ASZ1: variants seen among roughly 807,000 people sequenced by gnomAD.
ASZ1 encodes ankyrin repeat, SAM and basic leucine zipper domain-containing protein 1.
A neutral mutation model predicts 61.8 loss-of-function variants in ASZ1; 67 were observed. The observed-to-expected ratio is 1.08, with a 90% CI of 0.89 to 1.33. The LOEUF is 1.33. Ranked by LOEUF, ASZ1 falls within the 40% of genes most tolerant of loss-of-function variation. The pLI, the probability that ASZ1 is intolerant of heterozygous loss-of-function variation, is 0.00. For synonymous variants in ASZ1, 193 were observed against 192.7 expected (o/e 1.00, Z -0.01); for missense variants, 577 against 554.5 (o/e 1.04, Z -0.41).
At chr7:117,422,492 G>T in intron 2 of ASZ1, 133 bp from the exon 3 acceptor site, 3 of 1,014,782 alleles carry the variant, frequency 3.0e-6, no homozygotes, top group Non-Finnish European at 4.1e-6. Context: ...GTTTTTAATG[G>T]CTTCCAAAAA....
At chr7:117,382,947 CTT>C (rs1389893033) in intron 7 of ASZ1, 37 bp downstream of exon 7, 3 of 1,474,836 alleles carry the variant, frequency 2.0e-6, no homozygotes, top group Non-Finnish European at 2.7e-6. Context: ...ACAAATTTTA[CTT>C]ATAGGTATTC....
At position 117,422,338 on chromosome 7, in the gene ASZ1, A is replaced by G. The variant is rs1562862346; in HGVS notation, c.227T>C (p.Phe76Ser). 6.2e-7 allele frequency: 1 copy of G among 1,613,076 alleles called. No homozygotes were observed. Among genetic ancestry groups the G allele is most frequent in the Non-Finnish European group, 8.5e-7 (1 of 1,179,658 alleles). The change falls in exon 3 of 13, where the codon TTT (phenylalanine) becomes TCT (serine). Residue 76 changes from phenylalanine to serine, a missense_variant. Physicochemically the swap from Phe to Ser is radical, Grantham distance 155. Coordinates refer to ENST00000284629, the MANE Select transcript of ASZ1 (RefSeq NM_130768.3). ...CATAAGGGGAGTCCATCCATACTGA[A>G]AGTTGGAATCTACACTAATGCCTGT... is the stretch of plus-strand genomic sequence containing the variant. ...LDSGISVDSN[F>S]QYGWTPLMYA...
At chr7:117,396,755 G>T (rs1796582160) in intron 4 of ASZ1, among the ~76,000 whole-genome samples, 1 of 152,016 alleles carries the variant, frequency 6.6e-6, no homozygotes, top group South Asian at 2.1e-4. Flanking sequence ...TTGTTAAATT[G>T]GATTTCAGAA....
intron 4 of ASZ1, among the ~76,000 whole-genome samples, chr7:117,410,985 T>C (rs902071950): frequency 1.3e-5 from 2 of 151,718 alleles, no homozygotes; most frequent in African/African-American, 2.4e-5. Context: ...GTCTATTTGA[T>C]GGAGAATTGA....
chr7:117,408,994 A>G (rs930847662), intron 4 of ASZ1, among the ~76,000 whole-genome samples: 1 of 152,128 alleles, frequency 6.6e-6, no homozygotes, highest in African/African-American at 2.4e-5. Context: ...CAGTAAGTGG[A>G]ATAAAAAGTA....
intron 11 of ASZ1, chr7:117,368,171 C>T (rs1236563130): frequency 1.6e-5 from 13 of 828,030 alleles, no homozygotes; most frequent in Non-Finnish European, 1.9e-5. Context: ...AAGCAATTCT[C>T]CCACGTGGGC....
At chr7:117,406,665 A>T (rs1796787682) in intron 4 of ASZ1, among the ~76,000 whole-genome samples, 1 of 152,070 alleles carries the variant, frequency 6.6e-6, no homozygotes, top group Non-Finnish European at 1.5e-5. Flanking sequence ...AGGTAGGAGA[A>T]TCTCTTGAAC....
intron 10 of ASZ1, among the ~76,000 whole-genome samples, chr7:117,372,154 A>T (rs1796061485): frequency 6.6e-6 from 1 of 152,118 alleles, no homozygotes; most frequent in South Asian, 2.1e-4. Flanking sequence ...GTGCTTATTT[A>T]AAAAATTCAA....
intron 4 of ASZ1, among the ~76,000 whole-genome samples, chr7:117,416,203 A>G (rs1362946456): frequency 6.6e-6 from 1 of 152,120 alleles, no homozygotes; most frequent in Admixed American, 6.5e-5. Context: ...ATAAATAAAT[A>G]AATAATAAAA....
rs550093302 is a variant in ASZ1 at position 117,373,299 on chromosome 7, C to T, written c.1056-4582G>A. 9.9e-5 allele frequency among the ~76,000 whole-genome samples: 15 copies of T among 152,066 alleles called. No homozygotes were observed. In the East Asian group the frequency reaches 2.5e-3, roughly 26 times the overall value. On this transcript the variant is annotated intron_variant, in intron 10 of 12. Coordinates refer to ENST00000284629, the MANE Select transcript of ASZ1 (RefSeq NM_130768.3). ...ATGTTGCCAAGGCTGGCCTTGAACT[C>T]CTGGGCTCAAGTTATCCTCCTGCCT...
chr7:117,426,325 C>CA (rs572393412), intron 2 of ASZ1, among the ~76,000 whole-genome samples: 50,111 of 128,880 alleles, frequency 0.39, 9,031 homozygotes, highest in South Asian at 0.46. Flanking sequence ...ATTAAAAATA[C>CA]AAAAAAAAAA....
chr7:117,405,785 C>T (rs2116509855), intron 4 of ASZ1, among the ~76,000 whole-genome samples: 1 of 152,274 alleles, frequency 6.6e-6, no homozygotes, highest in Admixed American at 6.5e-5. Context: ...GTGAACGAGC[C>T]ATAGGGTTTA....
chr7:117,423,535 A>G (rs906350818), intron 2 of ASZ1, among the ~76,000 whole-genome samples: 2 of 151,992 alleles, frequency 1.3e-5, no homozygotes, highest in African/African-American at 4.8e-5. Context: ...AAAGATAGAA[A>G]GGAAAAGATG....
intron 4 of ASZ1, among the ~76,000 whole-genome samples, chr7:117,418,589 G>A (rs1797040093): frequency 6.6e-6 from 1 of 151,740 alleles, no homozygotes; most frequent in Admixed American, 6.6e-5. Context: ...GGAGGCAGAG[G>A]TTGCAGTGAG....
intron 4 of ASZ1, among the ~76,000 whole-genome samples, chr7:117,397,660 A>C (rs1796601961): frequency 6.6e-6 from 1 of 152,224 alleles, no homozygotes; most frequent in Non-Finnish European, 1.5e-5. Flanking sequence ...AGCTGGAGGA[A>C]AACACCTGGG....
intron 4 of ASZ1, among the ~76,000 whole-genome samples, chr7:117,398,248 G>A (rs1187462375): frequency 6.6e-6 from 1 of 152,002 alleles, no homozygotes; most frequent in Non-Finnish European, 1.5e-5. Flanking sequence ...TGTTCAACAC[G>A]CCAAGAACCT....
chr7:117,385,706 C>T lies in ASZ1; in HGVS notation c.544G>A (p.Gly182Ser), dbSNP rs1179000121. The part of the protein sequence containing the change: ...GAEVNTQDEN[G>S]YTALTWAARQ... Reference sequence around the variant, plus strand: ...GTAAAAATGTTTCTCACAGTGTAACCATTCTCATCCTGGGTATTAACTTCT... The same window carrying T: ...GTAAAAATGTTTCTCACAGTGTAACTATTCTCATCCTGGGTATTAACTTCT... Residue 182 changes from glycine (G) to serine (S), a missense_variant, in exon 5 of 13, where the codon GGT becomes AGT. Gly to Ser is a moderately conservative substitution (Grantham distance 56). Coordinates refer to ENST00000284629, the MANE Select transcript of ASZ1 (RefSeq NM_130768.3). 4 of 1,600,412 alleles carry T rather than the reference C, an allele frequency of 2.5e-6. No homozygotes were observed. Among genetic ancestry groups the T allele is most frequent in the African/African-American group, 1.3e-5 (1 of 74,474 alleles).
At chr7:117,369,555 T>C (rs948624167) in intron 10 of ASZ1, among the ~76,000 whole-genome samples, 5 of 152,104 alleles carry the variant, frequency 3.3e-5, no homozygotes, top group Admixed American at 3.3e-4. Flanking sequence ...GAGAAATGCA[T>C]CCAAGAGATG....
At chr7:117,402,844 AC>A (rs944887849) in intron 4 of ASZ1, among the ~76,000 whole-genome samples, 13 of 152,190 alleles carry the variant, frequency 8.5e-5, no homozygotes, top group African/African-American at 3.1e-4. Flanking sequence ...ATAAACCTGG[AC>A]CCTTAAATGT....
Sources: gnomAD v4.1 joint callset for allele counts (sites outside exome capture counted in the v4.1 genomes callset) on GRCh38, gnomAD v4.1.1 for gene constraint, MANE v1.5 for transcripts, NCBI Gene and HGNC (gene_info 2026-07-23, HGNC 2026-07-21) for gene names.